Variants in PSEN2 observed in about 807,000 individuals in gnomAD.
PSEN2 encodes the protein presenilin-2.
Under a neutral mutation model 49.1 loss-of-function variants are expected in PSEN2, and 32 were observed. The observed-to-expected ratio is 0.65, with a 90% CI of 0.49 to 0.88. PSEN2 has a LOEUF of 0.88. PSEN2 is among the 40% of genes least tolerant of loss of function. The pLI is 0.00. For synonymous variants in PSEN2, 255 were observed against 244.0 expected (o/e 1.05, Z -0.42); for missense variants, 522 against 586.9 (o/e 0.89, Z 1.14).
intron 5 of PSEN2, among the ~76,000 whole-genome samples, chr1:226,884,325 CCT>C (rs1462324157): frequency 6.6e-6 from 1 of 152,216 alleles, no homozygotes; most frequent in Non-Finnish European, 1.5e-5. Flanking sequence ...CAAATCACTT[CCT>C]CTCTGAGTCT....
intron 2 of PSEN2, among the ~76,000 whole-genome samples, chr1:226,874,349 G>C (rs6661000): frequency 6.6e-6 from 1 of 152,188 alleles, no homozygotes; most frequent in African/African-American, 2.4e-5. Flanking sequence ...GACATTAACT[G>C]ATTACTTTTG....
intron 2 of PSEN2, among the ~76,000 whole-genome samples, 169 bp from the exon 3 acceptor site, chr1:226,875,196 G>A (rs1321062484): frequency 6.6e-6 from 1 of 152,178 alleles, no homozygotes; most frequent in Non-Finnish European, 1.5e-5. Flanking sequence ...CTTAGGCCAG[G>A]GAGAACCATC....
Position 226,888,137 on chromosome 1 carries a change from T to A in PSEN2, c.545T>A (p.Leu182His), listed in dbSNP as rs766799482. ...LIMSSLMLLF[L>H]FTYIYLGEVL... ...ATGTCTTCACTGATGCTGCTGTTCC[T>A]CTTCACCTATATCTACCTTGGGTAA... Residue 182 changes from leucine to histidine, a missense_variant, in exon 7 of 13, where the codon CTC becomes CAC. Coordinates refer to ENST00000366783, the MANE Select transcript of PSEN2 (RefSeq NM_000447.3). The A allele has an allele frequency of 6.2e-7, 1 of 1,613,612 alleles. No individual in the cohort carries two copies. The highest frequency in any genetic ancestry group is 8.5e-7 in the Non-Finnish European group (1 of 1,179,490).
intron 11 of PSEN2, 43 bp from the exon 12 acceptor site, chr1:226,893,964 G>A: frequency 6.6e-7 from 1 of 1,514,732 alleles, no homozygotes; most frequent in Non-Finnish European, 9.2e-7. Context: ...TTTCCATTCT[G>A]TGCACGCCTC....
At chr1:226,873,244 C>T (rs890687887) in intron 2 of PSEN2, among the ~76,000 whole-genome samples, 2 of 152,194 alleles carry the variant, frequency 1.3e-5, no homozygotes, top group South Asian at 4.2e-4. Flanking sequence ...GAGATCATTT[C>T]TTGAGAGCCT....
At chr1:226,894,294 C>T (rs945749475) in intron 12 of PSEN2, among the ~76,000 whole-genome samples, 169 bp downstream of exon 12, 9 of 152,190 alleles carry the variant, frequency 5.9e-5, no homozygotes, top group Admixed American at 1.3e-4. Flanking sequence ...CCAAGGCTCA[C>T]AGGAGGTGTG....
At chr1:226,895,321 C>A in intron 12 of PSEN2, 103 bp from the exon 13 acceptor site, 1 of 1,365,618 alleles carries the variant, frequency 7.3e-7, no homozygotes, top group Non-Finnish European at 1.0e-6. Context: ...CGTTATCCGA[C>A]TGGTCCTCGA....
intron 2 of PSEN2, among the ~76,000 whole-genome samples, chr1:226,871,621 C>T (rs916161994): frequency 6.6e-6 from 1 of 152,202 alleles, no homozygotes; most frequent in Non-Finnish European, 1.5e-5. Context: ...AACTCAGAAG[C>T]GACAGCCTGG....
chr1:226,877,366 C>T (rs1660700189), intron 3 of PSEN2, among the ~76,000 whole-genome samples: 1 of 152,218 alleles, frequency 6.6e-6, no homozygotes, highest in Non-Finnish European at 1.5e-5. Flanking sequence ...GCCTCTGTTT[C>T]CTCATCAGTA....
At chr1:226,899,220 A>G (rs1286255831), downstream of PSEN2, 2 of 152,156 alleles carry the variant, frequency 1.3e-5, no homozygotes, top group African/African-American at 4.8e-5. Flanking sequence ...GGTTTTCTAA[A>G]TTTTTATTTT....
intron 3 of PSEN2, 25 bp from the exon 4 acceptor site, chr1:226,881,863 A>C (rs758422425): frequency 6.2e-7 from 1 of 1,614,042 alleles, no homozygotes; most frequent in African/African-American, 1.3e-5. Flanking sequence ...AAAGTGGAAC[A>C]AGGTCCTTGT....
intron 3 of PSEN2, among the ~76,000 whole-genome samples, chr1:226,881,295 C>T (rs910444614): frequency 6.6e-6 from 1 of 152,198 alleles, no homozygotes; most frequent in African/African-American, 2.4e-5. Flanking sequence ...ATCATCTCCA[C>T]TGCCCGCCCC....
In PSEN2 at chr1:226,895,410, T is replaced by G; in HGVS notation, c.1192-14T>G. The G allele has an allele frequency of 1.2e-6, 2 of 1,613,892 alleles. No homozygotes were observed. Among genetic ancestry groups the G allele is most frequent in the Non-Finnish European group, 1.7e-6 (2 of 1,179,920 alleles). ...AGGGATCACCACGCTCACCCTCCCC[T>G]CCATGTCCTGCAGGGCTTGTGTCTG... On this transcript the variant is annotated splice_polypyrimidine_tract_variant and intron_variant, in intron 12 of 12. Transcript: ENST00000366783.
chr1:226,879,960 T>C (rs1236400430), intron 3 of PSEN2, among the ~76,000 whole-genome samples: 3 of 152,216 alleles, frequency 2.0e-5, no homozygotes, highest in Non-Finnish European at 2.9e-5. Flanking sequence ...TTAAAGTCCC[T>C]GTAGGAATAA....
chr1:226,899,827 C>T (rs1662255374), downstream of PSEN2, among the ~76,000 whole-genome samples: 1 of 152,192 alleles, frequency 6.6e-6, no homozygotes, highest in African/African-American at 2.4e-5. Context: ...CGTCAAGTCA[C>T]ACTCCATCCA....
Position 226,894,094 on chromosome 1 carries a change from C to A in PSEN2, c.1160C>A (p.Thr387Asn). 2 of 1,614,178 alleles carry A rather than the reference C, an allele frequency of 1.2e-6. No homozygotes were observed. The highest frequency in any genetic ancestry group is 1.7e-6 in the Non-Finnish European group (2 of 1,179,994). Residue 387 changes from threonine (T) to asparagine (N), a missense_variant, in exon 12 of 13, where the codon ACC (threonine) becomes AAC (asparagine). Physicochemically the swap from Thr to Asn is moderately conservative, Grantham distance 65. Coordinates refer to ENST00000366783, the MANE Select transcript of PSEN2 (RefSeq NM_000447.3). ...GCCACGGGCAGCGGGGACTGGAATA[C>A]CACGCTGGCCTGCTTCGTGGCCATC... ...AAATGSGDWN[T>N]TLACFVAILI...
intron 5 of PSEN2, 152 bp from the exon 6 acceptor site, chr1:226,885,386 T>C: frequency 1.2e-6 from 1 of 831,630 alleles, no homozygotes; most frequent in Non-Finnish European, 1.9e-6. Context: ...CAGGAACTGC[T>C]CATGGGGATG....
chr1:226,879,458 TCTC>T (rs760180499), intron 3 of PSEN2, among the ~76,000 whole-genome samples: 6 of 152,116 alleles, frequency 3.9e-5, no homozygotes, highest in Non-Finnish European at 7.4e-5. Context: ...CTTCGGGGGC[TCTC>T]CTCTGCTGCA....
chr1:226,874,597 A>G (rs376948097), intron 2 of PSEN2, among the ~76,000 whole-genome samples: 2 of 152,152 alleles, frequency 1.3e-5, no homozygotes, highest in African/African-American at 2.4e-5. Flanking sequence ...GTAACTTTCC[A>G]AGAGGCACAT....
Sources: gnomAD v4.1 joint callset for allele counts (sites outside exome capture counted in the v4.1 genomes callset) on GRCh38, gnomAD v4.1.1 for gene constraint, MANE v1.5 for transcripts, NCBI Gene and HGNC (gene_info 2026-07-23, HGNC 2026-07-21) for gene names.